The following IKBIP variants were observed in gnomAD, a reference collection of about 807,000 sequenced individuals.
The protein encoded by IKBIP is IKBKB interacting protein, also known as inhibitor of nuclear factor kappa-B kinase-interacting protein.
A neutral mutation model predicts 31.0 loss-of-function variants in IKBIP; 28 were observed. That is an observed-to-expected ratio of 0.90 (90% CI 0.67 to 1.24). IKBIP has a LOEUF of 1.24. Ranked by LOEUF, IKBIP falls within the 50% of genes most tolerant of loss-of-function variation. IKBIP has a pLI of 0.00. For missense variants in IKBIP, 453 were observed against 441.9 expected, an observed-to-expected ratio of 1.03 and a Z score of -0.23; for synonymous variants, 164 against 160.3, an observed-to-expected ratio of 1.02 and a Z score of -0.17.
downstream of IKBIP, among the ~76,000 whole-genome samples, chr12:98,620,232 T>G (rs2153294830): frequency 6.6e-6 from 1 of 151,750 alleles, no homozygotes; most frequent in East Asian, 2.0e-4. Context: ...GAATATTTAT[T>G]AAATTCCTAT....
intron 2 of IKBIP, among the ~76,000 whole-genome samples, chr12:98,616,604 G>A (rs187973641): frequency 1.0e-3 from 152 of 152,186 alleles, no homozygotes; most frequent in African/African-American, 3.5e-3. Flanking sequence ...TTCTTCCAGC[G>A]GTTTTCAATT....
chr12:98,630,471 C>T (rs971718932), intron 2 of IKBIP, among the ~76,000 whole-genome samples: 9 of 145,846 alleles, frequency 6.2e-5, no homozygotes, highest in African/African-American at 2.3e-4. Flanking sequence ...TAAAGTAAGT[C>T]CTCACTTAAC....
chr12:98,613,686 C>A lies in IKBIP; in HGVS notation c.952G>T (p.Glu318Ter). The change falls in exon 3 of 3, where the codon GAA (glutamate) becomes TAA (stop). Residue 318 changes from glutamate (E) to a stop codon, truncating the protein, a stop_gained. Coordinates refer to the IKBIP transcript ENST00000342502. LOFTEE classifies it high-confidence loss of function. ...ATTTTTTCACTTAAGAAAGCAATTT[C>A]TTTCTCTCTTTGTAGTAAGTCGGTA... 6.2e-7 allele frequency: 1 copy of A among 1,605,784 alleles called. No homozygotes were observed. The highest frequency in any genetic ancestry group is 8.5e-7 in the Non-Finnish European group (1 of 1,174,774).
intron 1 of IKBIP, among the ~76,000 whole-genome samples, chr12:98,636,056 AC>A (rs1161741509): frequency 6.6e-6 from 1 of 152,240 alleles, no homozygotes; most frequent in East Asian, 1.9e-4. Flanking sequence ...TGGATCCAAT[AC>A]CATTTTGTCT....
intron 2 of IKBIP, among the ~76,000 whole-genome samples, chr12:98,628,024 G>C (rs1282675282): frequency 6.6e-6 from 1 of 152,164 alleles, no homozygotes; most frequent in Admixed American, 6.5e-5. Flanking sequence ...GAATATAGAA[G>C]GCCAAGTCAT....
At chr12:98,637,995 C>T (rs1404324807) in intron 1 of IKBIP, among the ~76,000 whole-genome samples, 3 of 152,144 alleles carry the variant, frequency 2.0e-5, no homozygotes, top group African/African-American at 4.8e-5. Flanking sequence ...GAGAGCAGTT[C>T]CCAGTCTTCC....
chr12:98,614,068 T>C lies in IKBIP; in HGVS notation c.570A>G (p.Ile190Met), dbSNP rs768236614. The C allele has an allele frequency of 3.1e-6, 5 of 1,612,666 alleles. No individual in the cohort carries two copies. In the Admixed American group the frequency reaches 8.3e-5, roughly 27 times the overall value. ...GTTCTTGCACAGAATCTGTCAATGATATTACATCAGTTACTAAACCTGAAA... is the reference window on the plus strand; with the variant it reads ...GTTCTTGCACAGAATCTGTCAATGACATTACATCAGTTACTAAACCTGAAA... Residue 190 changes from isoleucine (I) to methionine (M), a missense_variant, in exon 3 of 3, where the codon ATA (isoleucine) becomes ATG (methionine). Physicochemically the swap from Ile to Met is conservative, Grantham distance 10. Coordinates refer to the IKBIP transcript ENST00000342502.
chr12:98,642,872 T>TAC (rs1290932331), intron 1 of IKBIP, among the ~76,000 whole-genome samples: 12 of 151,798 alleles, frequency 7.9e-5, no homozygotes, highest in Admixed American at 2.6e-4. Flanking sequence ...GTGCTGGGAG[T>TAC]ACAGGCATGA....
At chr12:98,642,457 GT>G (rs1222812498) in intron 1 of IKBIP, among the ~76,000 whole-genome samples, 4 of 150,292 alleles carry the variant, frequency 2.7e-5, no homozygotes, top group Admixed American at 6.7e-5. Context: ...GCCCAAAAAG[GT>G]TTTTTTTTCA....
intron 2 of IKBIP, among the ~76,000 whole-genome samples, chr12:98,627,629 G>T (rs1288825832): frequency 6.6e-6 from 1 of 151,848 alleles, no homozygotes; most frequent in Admixed American, 6.6e-5. Context: ...TAGTAGAGAC[G>T]GGGTTTCACC....
chr12:98,622,437 C>T (rs991996004), downstream of IKBIP, among the ~76,000 whole-genome samples: 5 of 151,956 alleles, frequency 3.3e-5, no homozygotes, highest in African/African-American at 1.2e-4. Context: ...TGGGAGGATC[C>T]CTTGGGCCCA....
At chr12:98,635,100 G>C (rs576676872) in intron 1 of IKBIP, among the ~76,000 whole-genome samples, 1 of 151,760 alleles carries the variant, frequency 6.6e-6, no homozygotes, top group African/African-American at 2.4e-5. Flanking sequence ...TTGCCTCCTG[G>C]GTTCAAGCGA....
chr12:98,621,192 T>G (rs2097609936), downstream of IKBIP, among the ~76,000 whole-genome samples: 1 of 152,020 alleles, frequency 6.6e-6, no homozygotes, highest in Non-Finnish European at 1.5e-5. Flanking sequence ...GAGGTTGTAG[T>G]GAACCAAGAT....
downstream of IKBIP, among the ~76,000 whole-genome samples, chr12:98,623,568 T>C (rs1357495670): frequency 7.6e-6 from 1 of 132,372 alleles, no homozygotes; most frequent in Non-Finnish European, 1.6e-5. Context: ...CACTTTTTTT[T>C]TTTTTTTTTT....
rs55687271 is a variant in IKBIP, at chr12:98,625,139, C to G, written c.*791G>C. ...AACCATCTAGAGACCATGGATCTAG[C>G]AAACTCATGTCTAACACAGTTGGAA... is the stretch of plus-strand genomic sequence containing the variant. On this transcript the variant is annotated 3_prime_UTR_variant, in exon 3 of 3. Transcript: ENST00000299157. 3,406 of 985,248 alleles carry G rather than the reference C, an allele frequency of 3.5e-3. 15 individuals carry two copies. The highest frequency in any genetic ancestry group is 0.019 in the Middle Eastern group (36 of 1,914). 61.0% of individuals were successfully genotyped at this position (985,248 alleles called of 1,614,324 possible). A position where few individuals can be genotyped will look rare whatever the true frequency, so the allele number is the denominator to read the frequency against.
At chr12:98,641,885 C>T (rs2097630836) in intron 1 of IKBIP, among the ~76,000 whole-genome samples, 1 of 152,168 alleles carries the variant, frequency 6.6e-6, no homozygotes, top group South Asian at 2.1e-4. Context: ...AAACTCCTGA[C>T]CTCAAGCAAT....
In IKBIP at chr12:98,630,376, C is replaced by CAAAAAAAAAAAAAAAAAAAAAA. The variant is rs61623957; in HGVS notation, c.298-3632_298-3611dup. Among the ~76,000 whole-genome samples the CAAAAAAAAAAAAAAAAAAAAAA allele has an allele frequency of 4.8e-5, 2 of 41,300 alleles. 1 individual carries two copies. Among genetic ancestry groups the CAAAAAAAAAAAAAAAAAAAAAA allele is most frequent in the African/African-American group, 2.4e-4 (2 of 8,164 alleles). The allele number at this position is 41,300 out of a possible 152,430, so 27.1% of individuals were successfully genotyped here. Reference sequence around the variant, plus strand: ...CCAGCCTGGGCAACAAGAGCCTGGGCAAAAAAAAAAAAAAAAAAAAAAAAA... The same window carrying CAAAAAAAAAAAAAAAAAAAAAA: ...CCAGCCTGGGCAACAAGAGCCTGGGCAAAAAAAAAAAAAAAAAAAAAAAAAAAAAAAAAAAAAAAAAAAAAAA... On this transcript the variant is annotated intron_variant, in intron 2 of 2. Transcript: ENST00000299157.
At chr12:98,642,613 T>TTTTTTTTTTTG in intron 1 of IKBIP, among the ~76,000 whole-genome samples, 1 of 150,522 alleles carries the variant, frequency 6.6e-6, no homozygotes. Context: ...TTTTTTTTTT[T>TTTTTTTTTTTG]TTTTTGAGAA....
chr12:98,625,428 G>A lies in IKBIP; in HGVS notation c.*502C>T, dbSNP rs2097613355. On this transcript the variant is annotated 3_prime_UTR_variant, in exon 3 of 3. Coordinates refer to ENST00000299157, the MANE Select transcript of IKBIP (RefSeq NM_153687.4). ...ACAAAATTCCCATGAACTTGGTTGT[G>A]TGGATTCTTAACCTGCAGTGAATTA... 2.1e-6 allele frequency: 1 copy of A among 482,542 alleles called. No homozygotes were observed. The highest frequency in any genetic ancestry group is 2.7e-6 in the Non-Finnish European group (1 of 370,942). 29.9% of individuals were successfully genotyped at this position (482,542 alleles called of 1,614,324 possible). A position where few individuals can be genotyped will look rare whatever the true frequency, so the allele number is the denominator to read the frequency against.
Sources: allele counts gnomAD v4.1 joint callset (sites outside exome capture counted in the v4.1 genomes callset), GRCh38; gene constraint gnomAD v4.1.1; transcripts MANE v1.5; gene names NCBI Gene and HGNC (gene_info 2026-07-23, HGNC 2026-07-21).